The following CEP295 variants were observed in gnomAD, a reference collection of about 807,000 sequenced individuals.
CEP295 encodes the protein centrosomal protein 295.
In CEP295, 190 loss-of-function variants were observed where a neutral mutation model predicts 291.6. The ratio of observed to expected loss-of-function variants is 0.65; its 90% CI spans 0.58 to 0.73. The LOEUF (loss-of-function observed/expected upper bound fraction) is 0.73, where lower values mean the gene tolerates loss of function less well. CEP295 is among the 30% of genes least tolerant of loss of function. The probability of loss-of-function intolerance (pLI) is 0.00; values close to 1 mark genes in which losing one functional copy is unlikely to be tolerated. For synonymous variants in CEP295, 993 were observed against 1,038.8 expected (o/e 0.96, Z 0.85); for missense variants, 2,863 against 2,949.4 (o/e 0.97, Z 0.68).
intron 18 of CEP295, among the ~76,000 whole-genome samples, chr11:93,707,795 T>C (rs1028695782): frequency 6.6e-6 from 1 of 152,160 alleles, no homozygotes; most frequent in Non-Finnish European, 1.5e-5. Context: ...TAGCCAGATT[T>C]ATTTTTATTT....
chr11:93,716,385 A>T (rs1953244194), intron 18 of CEP295, among the ~76,000 whole-genome samples: 1 of 152,132 alleles, frequency 6.6e-6, no homozygotes, highest in African/African-American at 2.4e-5. Context: ...GCATTTCAAG[A>T]CTGTCTTTGC....
At chr11:93,685,878 T>C (rs1248772487) in intron 9 of CEP295, among the ~76,000 whole-genome samples, 1 of 151,972 alleles carries the variant, frequency 6.6e-6, no homozygotes, top group African/African-American at 2.4e-5. Context: ...GCCTGGCTAA[T>C]TTTTGTATTT....
chr11:93,691,751 G>C lies in CEP295; in HGVS notation c.1405G>C (p.Gly469Arg). Residue 469 changes from glycine to arginine, a missense_variant, in exon 11 of 30, where the codon GGT becomes CGT. Gly to Arg is a moderately radical substitution (Grantham distance 125, BLOSUM62 -2). Transcript: ENST00000325212. Reference protein sequence around the residue: ...LASEDKPLSCGTNSGKEQEIN... With the variant: ...LASEDKPLSCRTNSGKEQEIN... Reference sequence around the variant, plus strand: ...TAGTGAAGATAAACCACTTTCGTGTGGTACAAACTCTGGAAAAGAACAAGG... The same window carrying C: ...TAGTGAAGATAAACCACTTTCGTGTCGTACAAACTCTGGAAAAGAACAAGG... 1 of 1,544,362 alleles carries C rather than the reference G, an allele frequency of 6.5e-7. No homozygotes were observed. The highest frequency in any genetic ancestry group is 1.7e-4 in the Middle Eastern group (1 of 5,878).
At chr11:93,694,291 A>C (rs189733829) in intron 12 of CEP295, among the ~76,000 whole-genome samples, 4 of 152,312 alleles carry the variant, frequency 2.6e-5, no homozygotes, top group African/African-American at 9.6e-5. Flanking sequence ...TCCACAGTGT[A>C]TATGTTCCAG....
intron 18 of CEP295, among the ~76,000 whole-genome samples, chr11:93,709,632 T>C (rs1426867098): frequency 2.0e-5 from 3 of 152,198 alleles, no homozygotes; most frequent in African/African-American, 7.2e-5. Context: ...TCTGGGTCTT[T>C]TGTGGTTCCA....
chr11:93,721,216 A>G, intron 18 of CEP295, 96 bp from the exon 19 acceptor site: 1 of 695,716 alleles, frequency 1.4e-6, no homozygotes, highest in Admixed American at 2.5e-5. Flanking sequence ...AGATTGTAGG[A>G]AAGCAGGGAA....
At chr11:93,663,087 G>GA (rs1950058467) in intron 1 of CEP295, among the ~76,000 whole-genome samples, 1 of 152,184 alleles carries the variant, frequency 6.6e-6, no homozygotes, top group African/African-American at 2.4e-5. Context: ...GATTAAGGGG[G>GA]ACATGACAAC....
rs958773421 is a variant in CEP295, at chr11:93,684,085, C to T, written c.1071C>T (p.Asp357=). Residue 357 remains aspartate, a synonymous_variant, in exon 9 of 30, where the codon GAC becomes GAT. Coordinates refer to ENST00000325212, the MANE Select transcript of CEP295 (RefSeq NM_033395.2). ...AAGAAAATTTGGGTGCAGCTGAAGA[C>T]CTTCCAGTGACAGAAGCTGAAATAT... The part of the protein sequence containing the change: ...MEQENLGAAE[D]LPVTEAEICS... 1 of 1,551,538 alleles carries T rather than the reference C, an allele frequency of 6.4e-7. No homozygotes were observed. The highest frequency in any genetic ancestry group is 8.7e-7 in the Non-Finnish European group (1 of 1,146,948).
intron 9 of CEP295, among the ~76,000 whole-genome samples, chr11:93,686,200 T>A (rs1365582292): frequency 1.3e-5 from 2 of 151,766 alleles, no homozygotes; most frequent in Non-Finnish European, 2.9e-5. Context: ...TCACCTGTAA[T>A]CCCAGCTACA....
In CEP295 at chr11:93,699,677, CTT is replaced by C; in HGVS notation, c.4768_4769del (p.Leu1590GlufsTer12). ...HREIPRLQDR[L>X]LSLSKPILPQ... is the part of the protein sequence containing the mutation. ...TGAGATTCCAAGATTACAGGATAGA[CTT>C]TTGAGTTTATCAAAGCCTATTCTGC... On this transcript the variant is annotated frameshift_variant, in exon 15 of 30. Transcript: ENST00000325212. LOFTEE classifies it high-confidence loss of function. 12 of 1,551,516 alleles carry C rather than the reference CTT, an allele frequency of 7.7e-6. No individual in the cohort carries two copies. The highest frequency in any genetic ancestry group is 9.6e-6 in the Non-Finnish European group (11 of 1,147,036).
chr11:93,663,475 T>G (rs1400982869), intron 1 of CEP295, among the ~76,000 whole-genome samples: 2 of 152,232 alleles, frequency 1.3e-5, no homozygotes, highest in Non-Finnish European at 2.9e-5. Context: ...ATGTGTTATA[T>G]CCTTGGATTG....
Position 93,706,811 on chromosome 11 carries a change from T to C in CEP295, c.5663T>C (p.Phe1888Ser), listed in dbSNP as rs2135189690. The change falls in exon 18 of 30, where the codon TTT becomes TCT. Residue 1888 changes from phenylalanine (F) to serine (S), a missense_variant. Transcript: ENST00000325212. ...RVSISREQSF[F>S]GSPLAHDPFS... Reference sequence around the variant, plus strand: ...TCAATAAGCCGAGAACAAAGTTTCTTTGGGAGCCCACTGGCCCATGATCCG... The same window carrying C: ...TCAATAAGCCGAGAACAAAGTTTCTCTGGGAGCCCACTGGCCCATGATCCG... 6.4e-7 allele frequency: 1 copy of C among 1,550,682 alleles called. No individual in the cohort carries two copies. The highest frequency in any genetic ancestry group is 8.7e-7 in the Non-Finnish European group (1 of 1,146,486).
At position 93,698,649 on chromosome 11, in the gene CEP295, T is replaced by C. The variant is rs929941163; in HGVS notation, c.3737T>C (p.Val1246Ala). ...IPRCQERLLRVSQHMLPLQDN... is the reference protein window; with the variant it reads ...IPRCQERLLRASQHMLPLQDN... ...AGATGTCAGGAAAGACTTTTGAGAG[T>C]TTCACAACATATGCTACCTCTACAA... Residue 1246 changes from valine to alanine, a missense_variant, in exon 15 of 30, where the codon GTT becomes GCT. Coordinates refer to ENST00000325212, the MANE Select transcript of CEP295 (RefSeq NM_033395.2). 12 of 1,550,488 alleles carry C rather than the reference T, an allele frequency of 7.7e-6. No homozygotes were observed. In the African/African-American group the frequency reaches 1.5e-4, roughly 19 times the overall value.
In CEP295 at chr11:93,723,133, A is replaced by G. The variant is rs760788002; in HGVS notation, c.6040A>G (p.Thr2014Ala). 15 of 1,551,950 alleles carry G rather than the reference A, an allele frequency of 9.7e-6. No homozygotes were observed. In the African/African-American group the frequency reaches 1.5e-4, roughly 16 times the overall value. ...TNIISSIVPS[T>A]QDIYQRQNSS... ...TATTATAAGTTCCATAGTTCCTTCA[A>G]CACAAGATATTTATCAGCGGCAGAA... The change falls in exon 21 of 30, where the codon ACA becomes GCA. Residue 2014 changes from threonine (T) to alanine (A), a missense_variant. By Grantham distance (58) the Thr-to-Ala change is moderately conservative. Around this residue, in one of 3 missense-constraint regions of CEP295, gnomAD observed 2,295 missense variants for 2,335.7 expected, o/e 0.98. Coordinates refer to ENST00000325212, the MANE Select transcript of CEP295 (RefSeq NM_033395.2).
chr11:93,693,623 G>GT (rs1179792537), intron 12 of CEP295, among the ~76,000 whole-genome samples: 1 of 152,112 alleles, frequency 6.6e-6, no homozygotes, highest in East Asian at 1.9e-4. Context: ...GGGCGTGGTG[G>GT]TACGCACCCA....
rs1468138382 is a variant in CEP295 at position 93,727,069 on chromosome 11, C to G, written c.6593C>G (p.Ala2198Gly). The G allele has an allele frequency of 6.4e-6, 10 of 1,551,410 alleles. No homozygotes were observed. Among genetic ancestry groups the G allele is most frequent in the Non-Finnish European group, 7.8e-6 (9 of 1,146,596 alleles). Residue 2198 changes from alanine to glycine, a missense_variant, in exon 24 of 30, where the codon GCA becomes GGA. This residue lies in a region of CEP295 where 2,295 missense variants were observed against 2,335.7 expected (regional missense o/e 0.98). Transcript: ENST00000325212. ...ADLPSIFSIEARDSSQGMKNQ... is the reference protein window; with the variant it reads ...ADLPSIFSIEGRDSSQGMKNQ... Reference sequence around the variant, plus strand: ...CTACCAAGTATTTTTAGCATTGAAGCAAGAGATTCTTCCCAAGGCATGAAA... The same window carrying G: ...CTACCAAGTATTTTTAGCATTGAAGGAAGAGATTCTTCCCAAGGCATGAAA...
intron 23 of CEP295, among the ~76,000 whole-genome samples, chr11:93,726,108 TG>T (rs1202414000): frequency 2.6e-5 from 4 of 152,038 alleles, no homozygotes; most frequent in African/African-American, 9.7e-5. Flanking sequence ...TTTTTTTGTT[TG>T]TTTTTTTTGT....
At chr11:93,694,456 T>C (rs1181192788) in intron 12 of CEP295, among the ~76,000 whole-genome samples, 1 of 152,226 alleles carries the variant, frequency 6.6e-6, no homozygotes, top group African/African-American at 2.4e-5. Context: ...TTTTTTTCTT[T>C]CCTTATTGAG....
At chr11:93,680,070 A>G (rs1039076670) in intron 7 of CEP295, among the ~76,000 whole-genome samples, 23 of 152,154 alleles carry the variant, frequency 1.5e-4, no homozygotes, top group Non-Finnish European at 1.2e-4. Context: ...TAGGCCCGGG[A>G]GTTTAAGACC....
Sources: allele counts gnomAD v4.1 joint callset (sites outside exome capture counted in the v4.1 genomes callset), GRCh38; gene constraint gnomAD v4.1.1; regional missense constraint gnomAD v4.1.1; transcripts MANE v1.5; gene names NCBI Gene and HGNC (gene_info 2026-07-23, HGNC 2026-07-21).